SNTG1: variants seen among roughly 807,000 people sequenced by gnomAD.
SNTG1 encodes syntrophin gamma 1, also known as gamma-1-syntrophin.
Under a neutral mutation model 74.7 loss-of-function variants are expected in SNTG1, and 39 were observed. The ratio of observed to expected loss-of-function variants is 0.52; its 90% CI spans 0.40 to 0.68. The LOEUF is 0.68. SNTG1 is among the 30% of genes least tolerant of loss of function. The pLI, the probability that SNTG1 is intolerant of heterozygous loss-of-function variation, is 0.00. For missense variants in SNTG1, 685 were observed against 609.5 expected (o/e 1.12, Z -1.30); for synonymous variants, 254 against 217.1 (o/e 1.17, Z -1.49).
chr8:50,783,106 TG>T (rs2095664738), intron 18 of SNTG1, among the ~76,000 whole-genome samples: 1 of 152,108 alleles, frequency 6.6e-6, no homozygotes, highest in South Asian at 2.1e-4. Flanking sequence ...GGTGTCAGTC[TG>T]GGGGGTGCCT....
chr8:50,235,907 A>G lies in SNTG1; in HGVS notation c.-28+63272A>G, dbSNP rs183852738. 6.9e-3 allele frequency among the ~76,000 whole-genome samples: 1,048 copies of G among 152,338 alleles called. 6 individuals carry two copies. The highest frequency in any genetic ancestry group is 0.014 in the Middle Eastern group (4 of 294). On this transcript the variant is annotated intron_variant, in intron 2 of 18. Coordinates refer to ENST00000642720, the MANE Select transcript of SNTG1 (RefSeq NM_018967.5). Reference sequence around the variant, plus strand: ...GAAAAAAGAAAAAAATGTTTCTAGCATTATTTAAATTTAAAGTAGATAATA... The same window carrying G: ...GAAAAAAGAAAAAAATGTTTCTAGCGTTATTTAAATTTAAAGTAGATAATA...
At chr8:50,337,517 A>G (rs2091181109) in intron 2 of SNTG1, among the ~76,000 whole-genome samples, 1 of 152,176 alleles carries the variant, frequency 6.6e-6, no homozygotes, top group African/African-American at 2.4e-5. Context: ...GTTTAAATAT[A>G]CCCAGAGCAT....
intron 17 of SNTG1, among the ~76,000 whole-genome samples, chr8:50,726,721 C>T (rs757383751): frequency 8.8e-4 from 134 of 152,108 alleles, no homozygotes; most frequent in Non-Finnish European, 1.4e-3. Flanking sequence ...TGGTGGCGGA[C>T]GCCTGTAGTC....
intron 17 of SNTG1, among the ~76,000 whole-genome samples, chr8:50,736,890 A>T (rs112462990): frequency 1.3e-5 from 2 of 152,116 alleles, no homozygotes; most frequent in African/African-American, 4.8e-5. Context: ...ACGTACCGGA[A>T]TCTCTGGGAG....
chr8:50,111,167 CTCT>C lies in SNTG1; in HGVS notation c.-102-61393_-102-61391del, dbSNP rs1265891147. Among the ~76,000 whole-genome samples the C allele has an allele frequency of 9.2e-5, 14 of 152,224 alleles. No individual in the cohort carries two copies. The East Asian group carries it at 2.7e-3, about 29-fold the overall frequency. On this transcript the variant is annotated intron_variant, in intron 1 of 18. Coordinates refer to ENST00000642720, the MANE Select transcript of SNTG1 (RefSeq NM_018967.5). ...GTGTATTTTTGTTGTCATCGCCTTA[CTCT>C]CCTAGCTCCCTCACACTTGCTTCCT...
At chr8:49,950,095 C>G (rs577583686) in intron 1 of SNTG1, among the ~76,000 whole-genome samples, 44 of 152,198 alleles carry the variant, frequency 2.9e-4, no homozygotes, top group Non-Finnish European at 5.7e-4. Flanking sequence ...CCACCACACT[C>G]CAGTCTGAGA....
At chr8:50,208,603 T>C (rs1278895150) in intron 2 of SNTG1, among the ~76,000 whole-genome samples, 1 of 152,216 alleles carries the variant, frequency 6.6e-6, no homozygotes, top group Non-Finnish European at 1.5e-5. Flanking sequence ...ATCCTGTCAT[T>C]ATGATGTTAG....
intron 2 of SNTG1, among the ~76,000 whole-genome samples, chr8:50,343,215 TA>T: frequency 6.6e-6 from 1 of 152,222 alleles, no homozygotes; most frequent in Admixed American, 6.5e-5. Flanking sequence ...AAACCCACAC[TA>T]AAAAGTGGGG....
At chr8:50,465,919 A>G (rs1422062760) in intron 8 of SNTG1, among the ~76,000 whole-genome samples, 2 of 152,114 alleles carry the variant, frequency 1.3e-5, no homozygotes, top group Non-Finnish European at 2.9e-5. Flanking sequence ...ATGCAGGTTT[A>G]TGTGTGGACA....
At chr8:50,389,090 T>G (rs1249989293) in intron 2 of SNTG1, among the ~76,000 whole-genome samples, 1 of 152,162 alleles carries the variant, frequency 6.6e-6, no homozygotes, top group African/African-American at 2.4e-5. Flanking sequence ...ATTGCAGAAG[T>G]GCTAGAGGGC....
intron 2 of SNTG1, among the ~76,000 whole-genome samples, chr8:50,376,754 TATAG>T (rs368954553): frequency 0.073 from 7,260 of 99,496 alleles, 198 homozygotes; most frequent in East Asian, 0.16. Context: ...TATATATATA[TATAG>T]AGAGAGAGAG....
intron 2 of SNTG1, among the ~76,000 whole-genome samples, chr8:50,300,949 C>G (rs1363511019): frequency 6.6e-6 from 1 of 152,064 alleles, no homozygotes; most frequent in African/African-American, 2.4e-5. Context: ...ATATTGTGGT[C>G]CCCTTGACTA....
intron 12 of SNTG1, among the ~76,000 whole-genome samples, chr8:50,567,039 G>T (rs1250539859): frequency 2.0e-5 from 3 of 151,988 alleles, no homozygotes; most frequent in Non-Finnish European, 4.4e-5. Flanking sequence ...TATTGTATAA[G>T]AGTTTACACA....
In SNTG1 at chr8:50,392,929, T is replaced by G. The variant is rs1470962141; in HGVS notation, c.-27-1283T>G. Among the ~76,000 whole-genome samples the G allele has an allele frequency of 2.6e-5, 4 of 152,136 alleles. No homozygotes were observed. In the East Asian group the frequency reaches 5.8e-4, roughly 22 times the overall value. On this transcript the variant is annotated intron_variant, in intron 2 of 18. Transcript: ENST00000642720. ...GTCTATTTCTCTGGTTGCTTTTTAGTAGCAAGAAATTGATTCCAGACATCT... is the reference window on the plus strand; with the variant it reads ...GTCTATTTCTCTGGTTGCTTTTTAGGAGCAAGAAATTGATTCCAGACATCT...
At chr8:50,162,693 T>C (rs1258976710) in intron 1 of SNTG1, among the ~76,000 whole-genome samples, 1 of 152,028 alleles carries the variant, frequency 6.6e-6, no homozygotes, top group Non-Finnish European at 1.5e-5. Flanking sequence ...GACATCAGGA[T>C]AGGAAGGGGT....
At chr8:50,447,811 AAC>A (rs1297703352) in intron 5 of SNTG1, among the ~76,000 whole-genome samples, 1 of 152,242 alleles carries the variant, frequency 6.6e-6, no homozygotes, top group Non-Finnish European at 1.5e-5. Context: ...GACAAAATAG[AAC>A]AGATAAAAGG....
chr8:49,935,612 T>C (rs956283814), intron 1 of SNTG1, among the ~76,000 whole-genome samples: 1 of 150,794 alleles, frequency 6.6e-6, no homozygotes, highest in Admixed American at 6.6e-5. Flanking sequence ...TTCCCAGCCC[T>C]GGTTAAGACA....
chr8:50,701,004 A>T (rs2095421730), intron 15 of SNTG1, among the ~76,000 whole-genome samples: 1 of 152,196 alleles, frequency 6.6e-6, no homozygotes, highest in Admixed American at 6.6e-5. Flanking sequence ...AGAGCAAAGG[A>T]GTAAAGTTTT....
In SNTG1 at chr8:49,982,478, T is replaced by C. The variant is rs549339517; in HGVS notation, c.-103+70247T>C. The stretch of plus-strand genomic sequence containing the variant: ...TCCATAACTATATATATTCATTATA[T>C]ATAGTGCAAAATATCACATATATGT... On this transcript the variant is annotated intron_variant, in intron 1 of 18. Transcript: ENST00000642720. 3.3e-5 allele frequency among the ~76,000 whole-genome samples: 5 copies of C among 152,142 alleles called. No homozygotes were observed. The South Asian group carries it at 1.0e-3, about 32-fold the overall frequency.
Sources: allele counts gnomAD v4.1 joint callset (sites outside exome capture counted in the v4.1 genomes callset), GRCh38; gene constraint gnomAD v4.1.1; transcripts MANE v1.5; gene names NCBI Gene and HGNC (gene_info 2026-07-23, HGNC 2026-07-21).